DOCK6: variants seen among roughly 807,000 people sequenced by gnomAD.
The protein encoded by DOCK6 is dedicator of cytokinesis protein 6.
A neutral mutation model predicts 230.3 loss-of-function variants in DOCK6; 167 were observed. The ratio of observed to expected loss-of-function variants is 0.73; its 90% CI spans 0.64 to 0.82. DOCK6 has a LOEUF of 0.82. DOCK6 is among the 40% of genes least tolerant of loss of function. The pLI is 0.00. For missense variants in DOCK6, 2,598 were observed against 2,825.8 expected (o/e 0.92, Z 1.83); for synonymous variants, 1,148 against 1,185.0 (o/e 0.97, Z 0.64).
intron 6 of DOCK6, among the ~76,000 whole-genome samples, chr19:11,249,070 G>T (rs949072811): frequency 6.6e-6 from 1 of 152,078 alleles, no homozygotes; most frequent in Non-Finnish European, 1.5e-5. Context: ...ATAAATGTTG[G>T]TTGGATAAAA....
rs146048288 is a variant in DOCK6, at chr19:11,213,188, G to A, written c.4479C>T (p.Phe1493=). 531 of 1,612,116 alleles carry A rather than the reference G, an allele frequency of 3.3e-4. 2 individuals carry two copies. In the African/African-American group the frequency reaches 6.0e-3, roughly 18 times the overall value. Residue 1493 remains phenylalanine (F), a synonymous_variant, in exon 35 of 48, where the codon TTC becomes TTT. Transcript: ENST00000294618. ...ASLYLLMRQN[F]EIGHNFARVK... ...AGCCCCCACTCACGTGGCCGATCTC[G>A]AAGTTCTGTCGCATGAGCAGGTACA...
At chr19:11,228,097 G>A (rs2079699489) in intron 23 of DOCK6, among the ~76,000 whole-genome samples, 1 of 146,816 alleles carries the variant, frequency 6.8e-6, no homozygotes, top group African/African-American at 2.5e-5. Flanking sequence ...TGCAACCTCT[G>A]CCTACTGGGT....
At chr19:11,251,122 C>A in intron 5 of DOCK6, 36 bp from the exon 6 acceptor site, 1 of 1,562,936 alleles carries the variant, frequency 6.4e-7, no homozygotes. Flanking sequence ...TGAGTGCCAG[C>A]TGTATACACC....
chr19:11,235,349 A>AT (rs2079829095), intron 21 of DOCK6, among the ~76,000 whole-genome samples: 2 of 151,864 alleles, frequency 1.3e-5, no homozygotes, highest in Admixed American at 6.6e-5. Flanking sequence ...CCCTCAAGTG[A>AT]TCCCCCTGCC....
Position 11,213,273 on chromosome 19 carries a change from C to T in DOCK6, c.4394G>A (p.Arg1465Lys), listed in dbSNP as rs2079424129. 1 of 1,613,086 alleles carries T rather than the reference C, an allele frequency of 6.2e-7. No homozygotes were observed. Among genetic ancestry groups the T allele is most frequent in the African/African-American group, 1.3e-5 (1 of 75,048 alleles). Residue 1465 changes from arginine (R) to lysine (K), a missense_variant, in exon 35 of 48, where the codon AGG becomes AAG. By Grantham distance (26) the Arg-to-Lys change is conservative. Coordinates refer to ENST00000294618, the MANE Select transcript of DOCK6 (RefSeq NM_020812.4). ...DTELCADLCL[R>K]LLRHCGSRIS... The stretch of plus-strand genomic sequence containing the variant: ...GCGGCTGCCACAGTGTCGTAGGAGC[C>T]TCAGGCACAGGTCGGCACACAGCTC...
At position 11,222,827 on chromosome 19, in the gene DOCK6, T is replaced by C; in HGVS notation, c.3148A>G (p.Ser1050Gly). The C allele has an allele frequency of 2.5e-6, 4 of 1,599,052 alleles. No homozygotes were observed. Among genetic ancestry groups the C allele is most frequent in the Non-Finnish European group, 3.4e-6 (4 of 1,173,282 alleles). The change falls in exon 26 of 48, where the codon AGC becomes GGC. Residue 1050 changes from serine to glycine, a missense_variant. By Grantham distance (56) the Ser-to-Gly change is moderately conservative. Transcript: ENST00000294618. This position sits in a 1 kb window ranked among gnomAD's most constrained non-coding sequence, Gnocchi z 4.0. The stretch of plus-strand genomic sequence containing the variant: ...TTGAGGGTCACGTAGTGCTCGTGGC[T>C]GCACAGGATGCGGGTGAATTCCATG... ...LRMEFTRILC[S>G]HEHYVTLNLP...
Position 11,251,044 on chromosome 19 carries a change from G to A in DOCK6, c.550C>T (p.Arg184Ter), listed in dbSNP as rs765129469. The A allele has an allele frequency of 6.2e-6, 10 of 1,613,158 alleles. No homozygotes were observed. Among genetic ancestry groups the A allele is most frequent in the South Asian group, 3.3e-5 (3 of 90,948 alleles). Reference sequence around the variant, plus strand: ...AAGATGCTAGAGGCACCACTGCTTCGAGGGGTGTCTTCCGGGGAGCCCGAG... The same window carrying A: ...AAGATGCTAGAGGCACCACTGCTTCAAGGGGTGTCTTCCGGGGAGCCCGAG... ...RGSGSPEDTP[R>*]SSGASSIFDL... Residue 184 changes from arginine (R) to a stop codon, truncating the protein, a stop_gained, in exon 6 of 48, where the codon CGA becomes TGA. Coordinates refer to ENST00000294618, the MANE Select transcript of DOCK6 (RefSeq NM_020812.4). LOFTEE classifies it high-confidence loss of function.
chr19:11,251,405 T>A, intron 5 of DOCK6: 1 of 251,554 alleles, frequency 4.0e-6, no homozygotes. Flanking sequence ...GCTGGGCCAA[T>A]GAAAGCCTTC....
In DOCK6 at chr19:11,236,847, A is replaced by C; in HGVS notation, c.2106T>G (p.Gly702=). 6.4e-7 allele frequency: 1 copy of C among 1,555,616 alleles called. No individual in the cohort carries two copies. The highest frequency in any genetic ancestry group is 8.7e-7 in the Non-Finnish European group (1 of 1,149,834). Residue 702 remains glycine (G), a synonymous_variant, in exon 19 of 48, where the codon GGT becomes GGG. Transcript: ENST00000294618. This position sits in a 1 kb window ranked among gnomAD's most constrained non-coding sequence, Gnocchi z 5.2. ...GCTCCACACTGAACACGCCCTTGTGACCGTCCACCCAGCGCATGCCCGGAA... is the reference window on the plus strand; with the variant it reads ...GCTCCACACTGAACACGCCCTTGTGCCCGTCCACCCAGCGCATGCCCGGAA... ...VALPGMRWVD[G]HKGVFSVELT...
Position 11,252,136 on chromosome 19 carries a change from A to G in DOCK6, c.490T>C (p.Ser164Pro). The G allele has an allele frequency of 6.3e-7, 1 of 1,588,790 alleles. No individual in the cohort carries two copies. Among genetic ancestry groups the G allele is most frequent in the East Asian group, 2.3e-5 (1 of 43,706 alleles). ...FEQDASGDER[S>P]GPEDSNDSRR... The stretch of plus-strand genomic sequence containing the variant: ...TTCCTCACCGAGTCCTCAGGGCCGG[A>G]CCTCTCGTCTCCAGAAGCATCCTGC... The change falls in exon 5 of 48, where the codon TCC (serine) becomes CCC (proline). Residue 164 changes from serine to proline, a missense_variant. Coordinates refer to ENST00000294618, the MANE Select transcript of DOCK6 (RefSeq NM_020812.4).
chr19:11,200,885 G>A lies in DOCK6; in HGVS notation c.5832+24C>T, dbSNP rs2079158264. 6.2e-7 allele frequency: 1 copy of A among 1,613,838 alleles called. No individual in the cohort carries two copies. Among genetic ancestry groups the A allele is most frequent in the Non-Finnish European group, 8.5e-7 (1 of 1,179,838 alleles). Reference sequence around the variant, plus strand: ...GCACCTGGAGTCCCCCGTGCGGCTTGCATCCCCCTTCCACCAGCCGTGCCT... The same window carrying A: ...GCACCTGGAGTCCCCCGTGCGGCTTACATCCCCCTTCCACCAGCCGTGCCT... On this transcript the variant is annotated intron_variant, in intron 45 of 47. Coordinates refer to ENST00000294618, the MANE Select transcript of DOCK6 (RefSeq NM_020812.4). The surrounding 1 kb of genome is among the most constrained non-coding windows in gnomAD (Gnocchi z 4.3).
intron 38 of DOCK6, 21 bp from the exon 39 acceptor site, chr19:11,208,850 T>C (rs750689710): frequency 1.9e-6 from 3 of 1,607,824 alleles, no homozygotes; most frequent in Non-Finnish European, 2.6e-6. Flanking sequence ...AGAGGTGGCG[T>C]CAGACCCTGG....
intron 39 of DOCK6, among the ~76,000 whole-genome samples, chr19:11,206,933 C>T (rs1266226985): frequency 6.6e-6 from 1 of 151,904 alleles, no homozygotes; most frequent in Non-Finnish European, 1.5e-5. Flanking sequence ...CAACCTCCGC[C>T]TCCCGGGTTC....
chr19:11,238,062 C>T lies in DOCK6; in HGVS notation c.1815G>A (p.Pro605=), dbSNP rs562225957. The change falls in exon 16 of 48, where the codon CCG becomes CCA. Residue 605 remains proline (P), a synonymous_variant. Transcript: ENST00000294618. ...CSEFTREAFT[P]VVYHNKSPEF... is the part of the protein sequence containing the mutation. Reference sequence around the variant, plus strand: ...CTACATACTTGTTATGGTAGACCACCGGTGTGAAGGCCTCGCGGGTAAATT... The same window carrying T: ...CTACATACTTGTTATGGTAGACCACTGGTGTGAAGGCCTCGCGGGTAAATT... 70 of 1,613,860 alleles carry T rather than the reference C, an allele frequency of 4.3e-5. No homozygotes were observed. Among genetic ancestry groups the T allele is most frequent in the Middle Eastern group, 1.6e-4 (1 of 6,062 alleles).
intron 7 of DOCK6, among the ~76,000 whole-genome samples, chr19:11,246,303 G>T (rs912072371): frequency 6.6e-6 from 1 of 152,072 alleles, no homozygotes; most frequent in African/African-American, 2.4e-5. Flanking sequence ...ACGGGGTCTC[G>T]CTGTGTTGCC....
Position 11,204,305 on chromosome 19 carries a change from C to G in DOCK6, c.5115G>C (p.Glu1705Asp). Residue 1705 changes from glutamate to aspartate, a missense_variant, in exon 40 of 48, where the codon GAG becomes GAC. By Grantham distance (45) the Glu-to-Asp change is conservative. Coordinates refer to ENST00000294618, the MANE Select transcript of DOCK6 (RefSeq NM_020812.4). ...GGATGGGGATGAGGTTCTTGTAGAC[C>G]TCATTCACCGCCTCGTAGAGCCCGC... is the stretch of plus-strand genomic sequence containing the variant. ...TMGGLYEAVN[E>D]VYKNLIPILE... 1 of 1,611,242 alleles carries G rather than the reference C, an allele frequency of 6.2e-7. No homozygotes were observed. Among genetic ancestry groups the G allele is most frequent in the South Asian group, 1.1e-5 (1 of 90,540 alleles).
At position 11,208,811 on chromosome 19, in the gene DOCK6, G is replaced by A; in HGVS notation, c.4963C>T (p.Leu1655=). The A allele has an allele frequency of 6.2e-7, 1 of 1,613,650 alleles. No individual in the cohort carries two copies. Reference sequence around the variant, plus strand: ...TCGTCGGAGATGGCGGACTCCTCTAGCACGTTGGATGAGATGTTCTGGGGT... The same window carrying A: ...TCGTCGGAGATGGCGGACTCCTCTAACACGTTGGATGAGATGTTCTGGGGT... ...VSFQNISSNV[L]EESAISDDIL... is the part of the protein sequence containing the mutation. The change falls in exon 39 of 48, where the codon CTA becomes TTA. Residue 1655 remains leucine (L), a synonymous_variant. Transcript: ENST00000294618.
chr19:11,245,714 T>C lies in DOCK6; in HGVS notation c.874-2A>G. ...GTCGAAGTAGAAGTTCTCCGAGATC[T>C]GGGGACACCAGAGGCAGCTGGGCCA... On this transcript the variant is annotated splice_acceptor_variant, in intron 8 of 47. Coordinates refer to ENST00000294618, the MANE Select transcript of DOCK6 (RefSeq NM_020812.4). LOFTEE classifies it high-confidence loss of function. 10 of 1,604,664 alleles carry C rather than the reference T, an allele frequency of 6.2e-6. No homozygotes were observed. The highest frequency in any genetic ancestry group is 8.5e-6 in the Non-Finnish European group (10 of 1,174,470).
chr19:11,228,604 G>A (rs1220807898), intron 23 of DOCK6, among the ~76,000 whole-genome samples: 4 of 148,680 alleles, frequency 2.7e-5, no homozygotes, highest in Non-Finnish European at 5.9e-5. Flanking sequence ...CTGTCGCCCA[G>A]GCTGGAGTGC....
Sources: gnomAD v4.1 joint callset for allele counts (sites outside exome capture counted in the v4.1 genomes callset) on GRCh38, gnomAD v4.1.1 for gene constraint, Gnocchi (gnomAD v3.1) non-coding constraint, MANE v1.5 for transcripts, NCBI Gene and HGNC (gene_info 2026-07-23, HGNC 2026-07-21) for gene names.